Variants in DYNC1H1 observed in about 807,000 individuals in gnomAD.
DYNC1H1 encodes dynein cytoplasmic 1 heavy chain 1, also known as cytoplasmic dynein 1 heavy chain 1.
In DYNC1H1, 51 loss-of-function variants were observed where a neutral mutation model predicts 527.1. The observed-to-expected ratio is 0.10, with a 90% CI of 0.08 to 0.12. DYNC1H1 has a LOEUF of 0.12. Among genes scored for constraint, DYNC1H1 ranks in the 10% least tolerant of loss-of-function variants. DYNC1H1 has a pLI of 1.00. For synonymous variants in DYNC1H1, 2,189 were observed against 2,278.8 expected (o/e 0.96, Z 1.12); for missense variants, 2,771 against 5,971.8 (o/e 0.46, Z 17.66).
Position 102,004,635 on chromosome 14 carries a change from C to A in DYNC1H1, c.5001C>A (p.Asn1667Lys), listed in dbSNP as rs117199211. The stretch of plus-strand genomic sequence containing the variant: ...CTGGAGTTTCGAGCATCATCCTGAA[C>A]GAGGATAACTCTGTTGTTTTGGGTA... The part of the protein sequence containing the change: ...MFAGVSSIIL[N>K]EDNSVVLGIS... The change falls in exon 24 of 78, where the codon AAC becomes AAA. Residue 1667 changes from asparagine to lysine, a missense_variant. By Grantham distance (94) the Asn-to-Lys change is moderately conservative. Coordinates refer to ENST00000360184, the MANE Select transcript of DYNC1H1 (RefSeq NM_001376.5). The A allele has an allele frequency of 2.5e-6, 4 of 1,614,006 alleles. No homozygotes were observed. Among genetic ancestry groups the A allele is most frequent in the Admixed American group, 3.3e-5 (2 of 59,998 alleles).
In DYNC1H1 at chr14:102,005,912, G is replaced by T. The variant is rs2141289565; in HGVS notation, c.5458G>T (p.Asp1820Tyr). 1 of 1,614,246 alleles carries T rather than the reference G, an allele frequency of 6.2e-7. No homozygotes were observed. Among genetic ancestry groups the T allele is most frequent in the Non-Finnish European group, 8.5e-7 (1 of 1,180,042 alleles). Residue 1820 changes from aspartate (D) to tyrosine (Y), a missense_variant, in exon 27 of 78, where the codon GAT (aspartate) becomes TAT (tyrosine). Physicochemically the swap from Asp to Tyr is radical, Grantham distance 160 (BLOSUM62 -3). This residue lies in a region of DYNC1H1 where 64 missense variants were observed against 143.4 expected (regional missense o/e 0.45). Coordinates refer to ENST00000360184, the MANE Select transcript of DYNC1H1 (RefSeq NM_001376.5). This position sits in a 1 kb window ranked among gnomAD's most constrained non-coding sequence, Gnocchi z 4.0. ...HLITELVHQR[D>Y]VTRSLIKSKI... ...GATTACAGAGTTGGTTCACCAGAGA[G>T]ATGTTACAAGGTCCTTGATCAAAAG...
intron 1 of DYNC1H1, among the ~76,000 whole-genome samples, chr14:101,972,714 G>A (rs1405984637): frequency 1.3e-5 from 2 of 152,118 alleles, no homozygotes; most frequent in Non-Finnish European, 2.9e-5. Context: ...GACTCTTTAT[G>A]GGGGGTAGAA....
chr14:102,024,877 G>A (rs1193458795), intron 43 of DYNC1H1, among the ~76,000 whole-genome samples: 2 of 151,122 alleles, frequency 1.3e-5, no homozygotes, highest in African/African-American at 4.9e-5. Context: ...TGTATTTTTA[G>A]TAGAGATGGG....
In DYNC1H1 at chr14:101,985,567, G is replaced by A. The variant is rs979627254; in HGVS notation, c.1462-120G>A. 59 of 1,038,798 alleles carry A rather than the reference G, an allele frequency of 5.7e-5. No individual in the cohort carries two copies. Among genetic ancestry groups the A allele is most frequent in the Middle Eastern group, 2.2e-4 (1 of 4,578 alleles). The allele number at this position is 1,038,798 out of a possible 1,614,324, so 64.3% of individuals were successfully genotyped here. A position where few individuals can be genotyped will look rare whatever the true frequency, so the allele number is the denominator to read the frequency against. ...TCTCGAACTCCTGACCTCATGATCC[G>A]CCTGCCTTGGCCTCCCAAAGTGCTG... On this transcript the variant is annotated intron_variant, in intron 7 of 77. Coordinates refer to ENST00000360184, the MANE Select transcript of DYNC1H1 (RefSeq NM_001376.5). This position sits in a 1 kb window ranked among gnomAD's most constrained non-coding sequence, Gnocchi z 5.9.
chr14:102,011,767 A>AG lies in DYNC1H1; in HGVS notation c.6619-108_6619-107insG. ...ACTCCGTTTCAGGAAAAAAAAAAAAATCCACACATAATGTTTCTTGCTCAC... is the reference window on the plus strand; with the variant it reads ...ACTCCGTTTCAGGAAAAAAAAAAAAAGTCCACACATAATGTTTCTTGCTCAC... On this transcript the variant is annotated intron_variant, in intron 32 of 77. Coordinates refer to ENST00000360184, the MANE Select transcript of DYNC1H1 (RefSeq NM_001376.5). This position sits in a 1 kb window ranked among gnomAD's most constrained non-coding sequence, Gnocchi z 5.3. 1 of 1,234,756 alleles carries AG rather than the reference A, an allele frequency of 8.1e-7. No homozygotes were observed. Among genetic ancestry groups the AG allele is most frequent in the Non-Finnish European group, 1.2e-6 (1 of 859,268 alleles). The allele number at this position is 1,234,756 out of a possible 1,614,324, so 76.5% of individuals were successfully genotyped here. A position where few individuals can be genotyped will look rare whatever the true frequency, so the allele number is the denominator to read the frequency against.
intron 1 of DYNC1H1, among the ~76,000 whole-genome samples, chr14:101,968,284 G>GGTTTT (rs71116867): frequency 0.15 from 22,909 of 151,614 alleles, 2,026 homozygotes; most frequent in African/African-American, 0.24. Flanking sequence ...GTGGGGAAAG[G>GGTTTT]GTTTTGTTTT....
In DYNC1H1 at chr14:102,009,648, G is replaced by GA. The variant is rs551181847; in HGVS notation, c.5978-193dup. The GA allele has an allele frequency of 1.4e-3, 1,046 of 756,494 alleles. 9 individuals carry two copies. In the African/African-American group the frequency reaches 0.016, roughly 12 times the overall value. 46.9% of individuals were successfully genotyped at this position (756,494 alleles called of 1,614,324 possible). On this transcript the variant is annotated intron_variant, in intron 29 of 77. Transcript: ENST00000360184. ...GGACACGTGCACATGAGGTACATGG[G>GA]AATGGGTCCACCTGGGCTGGGAGAA...
At position 101,973,199 on chromosome 14, in the gene DYNC1H1, A is replaced by ATTT. The variant is rs59446522; in HGVS notation, c.257-2499_257-2497dup. On this transcript the variant is annotated intron_variant, in intron 1 of 77. Coordinates refer to ENST00000360184, the MANE Select transcript of DYNC1H1 (RefSeq NM_001376.5). ...TTATTGTCTCTCGATAGATACACTA[A>ATTT]TTTTTTTTTTTTTTTTGAGATCAAT... 3.6e-3 allele frequency among the ~76,000 whole-genome samples: 504 copies of ATTT among 141,402 alleles called. 2 individuals carry two copies. The highest frequency in any genetic ancestry group is 0.013 in the African/African-American group (484 of 38,404). The allele number at this position is 141,402 out of a possible 152,430, so 92.8% of individuals were successfully genotyped here. A position where few individuals can be genotyped will look rare whatever the true frequency, so the allele number is the denominator to read the frequency against.
intron 1 of DYNC1H1, among the ~76,000 whole-genome samples, chr14:101,973,383 C>T (rs899814942): frequency 6.6e-6 from 1 of 152,028 alleles, no homozygotes; most frequent in Non-Finnish European, 1.5e-5. Flanking sequence ...TGGTATTGAA[C>T]TCCTGACTTG....
At chr14:101,972,179 A>T (rs761853849) in intron 1 of DYNC1H1, among the ~76,000 whole-genome samples, 8 of 152,132 alleles carry the variant, frequency 5.3e-5, no homozygotes, top group Non-Finnish European at 1.0e-4. Flanking sequence ...ATTAAGAATT[A>T]ATAATCAAGT....
In DYNC1H1 at chr14:102,049,641, G is replaced by A; in HGVS notation, c.13515+59G>A. 6.2e-7 allele frequency: 1 copy of A among 1,613,324 alleles called. No individual in the cohort carries two copies. Among genetic ancestry groups the A allele is most frequent in the Non-Finnish European group, 8.5e-7 (1 of 1,180,034 alleles). ...GCAGCTGTCCTGGGCTGGGGTGGGA[G>A]TGGCTCTGGGGAAAAACACAGGGCC... On this transcript the variant is annotated intron_variant, in intron 75 of 77. Transcript: ENST00000360184. This position sits in a 1 kb window ranked among gnomAD's most constrained non-coding sequence, Gnocchi z 5.5.
At chr14:101,972,834 C>T (rs544184739) in intron 1 of DYNC1H1, among the ~76,000 whole-genome samples, 4 of 152,018 alleles carry the variant, frequency 2.6e-5, no homozygotes, top group African/African-American at 9.7e-5. Context: ...ATTTTGATGG[C>T]ATATTTTATA....
At chr14:102,046,111 T>C (rs1157844853) in intron 72 of DYNC1H1, among the ~76,000 whole-genome samples, 1 of 149,930 alleles carries the variant, frequency 6.7e-6, no homozygotes, top group African/African-American at 2.5e-5. Context: ...GAGCTTGCAG[T>C]GAGCCGAGAT....
Position 101,983,058 on chromosome 14 carries a change from C to T in DYNC1H1, c.1001C>T (p.Pro334Leu). ...TTGGAAACTGTGAATGACTACAATC[C>T]TCTGATGAAAGATTTCCCTCTGAAT... ...QALETVNDYN[P>L]LMKDFPLNDL... Residue 334 changes from proline to leucine, a missense_variant, in exon 6 of 78, where the codon CCT (proline) becomes CTT (leucine). Physicochemically the swap from Pro to Leu is moderately conservative, Grantham distance 98. This residue lies in a region of DYNC1H1 where 264 missense variants were observed against 619.4 expected (regional missense o/e 0.43). Transcript: ENST00000360184. The surrounding 1 kb of genome is among the most constrained non-coding windows in gnomAD (Gnocchi z 5.3). 6.2e-7 allele frequency: 1 copy of T among 1,614,164 alleles called. No homozygotes were observed.
At chr14:102,023,229 A>G (rs113467146) in intron 43 of DYNC1H1, 37 of 359,520 alleles carry the variant, frequency 1.0e-4, no homozygotes, top group African/African-American at 7.8e-4. Context: ...GTAAAAGAGC[A>G]AAACCCTGTT....
chr14:102,004,938 T>C lies in DYNC1H1; in HGVS notation c.5226T>C (p.Ile1742=). 1 of 1,614,226 alleles carries C rather than the reference T, an allele frequency of 6.2e-7. No individual in the cohort carries two copies. Among genetic ancestry groups the C allele is most frequent in the Admixed American group, 1.7e-5 (1 of 60,018 alleles). Reference sequence around the variant, plus strand: ...ACCCAAATACCTACATCACTTGGATTGATAAATACCAGGTAATCTATAGTA... The same window carrying C: ...ACCCAAATACCTACATCACTTGGATCGATAAATACCAGGTAATCTATAGTA... ...SIDPNTYITW[I]DKYQAQLVVL... Residue 1742 remains isoleucine, a synonymous_variant, in exon 25 of 78, where the codon ATT becomes ATC. Coordinates refer to ENST00000360184, the MANE Select transcript of DYNC1H1 (RefSeq NM_001376.5).
In DYNC1H1 at chr14:102,012,653, G is replaced by C. The variant is rs2048271293; in HGVS notation, c.7014+183G>C. On this transcript the variant is annotated intron_variant, in intron 34 of 77. Transcript: ENST00000360184. The surrounding 1 kb of genome is among the most constrained non-coding windows in gnomAD (Gnocchi z 4.9). ...TTTTTTTTCCATTTCCATGGCTAGT[G>C]AGAAACATTTTAATAGGTTTTATTG... The C allele has an allele frequency of 3.9e-6, 3 of 763,192 alleles. No individual in the cohort carries two copies. Among genetic ancestry groups the C allele is most frequent in the Admixed American group, 4.4e-5 (2 of 45,068 alleles). The allele number at this position is 763,192 out of a possible 1,614,324, so 47.3% of individuals were successfully genotyped here.
intron 42 of DYNC1H1, among the ~76,000 whole-genome samples, chr14:102,022,540 G>C (rs2152586235): frequency 6.6e-6 from 1 of 151,706 alleles, no homozygotes; most frequent in South Asian, 2.1e-4. Context: ...CTGTAAGTAA[G>C]TAAGTAAATA....
Position 102,001,869 on chromosome 14 carries a change from G to C in DYNC1H1, c.4542+188G>C, listed in dbSNP as rs1282428273. Among the ~76,000 whole-genome samples the C allele has an allele frequency of 6.6e-6, 1 of 151,990 alleles. No individual in the cohort carries two copies. Among genetic ancestry groups the C allele is most frequent in the Non-Finnish European group, 1.5e-5 (1 of 67,994 alleles). On this transcript the variant is annotated intron_variant, in intron 21 of 77. Coordinates refer to ENST00000360184, the MANE Select transcript of DYNC1H1 (RefSeq NM_001376.5). This position sits in a 1 kb window ranked among gnomAD's most constrained non-coding sequence, Gnocchi z 5.0. The stretch of plus-strand genomic sequence containing the variant: ...TCACTGCTGCAGCCTTGACTTCCTG[G>C]GCTCAAGTGATCTTCCCACCTCAGC...
Sources: gnomAD v4.1 joint callset for allele counts (sites outside exome capture counted in the v4.1 genomes callset) on GRCh38, gnomAD v4.1.1 for gene constraint, gnomAD v4.1.1 regional missense constraint, Gnocchi (gnomAD v3.1) non-coding constraint, MANE v1.5 for transcripts, NCBI Gene and HGNC (gene_info 2026-07-23, HGNC 2026-07-21) for gene names.